Variants in TMLHE observed in about 807,000 individuals in gnomAD.
The protein encoded by TMLHE is trimethyllysine dioxygenase, mitochondrial.
A neutral mutation model predicts 25.7 loss-of-function variants in TMLHE; 18 were observed. That is an observed-to-expected ratio of 0.70 (90% CI 0.48 to 1.04). TMLHE has a LOEUF of 1.04. Ranked by LOEUF, TMLHE falls within the 50% of genes least tolerant of loss-of-function variation. The probability of loss-of-function intolerance (pLI) is 0.00; values close to 1 mark genes in which losing one functional copy is unlikely to be tolerated. For missense variants in TMLHE, 236 were observed against 259.0 expected, an observed-to-expected ratio of 0.91 and a Z score of 0.61; for synonymous variants, 105 against 97.0, an observed-to-expected ratio of 1.08 and a Z score of -0.49.
intron 1 of TMLHE, among the ~76,000 whole-genome samples, chrX:155,582,491 A>G: frequency 8.9e-6 from 1 of 111,898 alleles, no homozygotes; most frequent in South Asian, 3.7e-4. Flanking sequence ...AAATCAAACA[A>G]CTCCATCAAA....
At chrX:155,549,476 T>C (rs1190488821) in intron 1 of TMLHE, among the ~76,000 whole-genome samples, 1 of 110,916 alleles carries the variant, frequency 9.0e-6, no homozygotes, top group Non-Finnish European at 1.9e-5. Context: ...TTTCTACATC[T>C]ATTATTTTAT....
At chrX:155,602,369 C>T (rs2067761094) in intron 1 of TMLHE, among the ~76,000 whole-genome samples, 1 of 111,417 alleles carries the variant, frequency 9.0e-6, no homozygotes, top group African/African-American at 3.3e-5. Flanking sequence ...CATTCATGAT[C>T]AAACATAAAA....
chrX:155,500,386 T>C (rs1378957825), intron 6 of TMLHE, among the ~76,000 whole-genome samples: 4 of 103,558 alleles, frequency 3.9e-5, no homozygotes, highest in African/African-American at 1.1e-4. Context: ...AAAATGCTCA[T>C]CATCACTGGC....
chrX:155,612,312 CGAAA>C (rs1231222747), intron 1 of TMLHE: 1 of 111,531 alleles, frequency 9.0e-6, no homozygotes, highest in Non-Finnish European at 1.9e-5. Flanking sequence ...GATATGAGAA[CGAAA>C]GAAAGTGCTG....
At chrX:155,510,662 G>A (rs1230016422) in intron 5 of TMLHE, among the ~76,000 whole-genome samples, 1 of 109,369 alleles carries the variant, frequency 9.1e-6, no homozygotes, top group African/African-American at 3.3e-5. Context: ...TTGGACATTT[G>A]GGTTGGTTCC....
At chrX:155,549,929 A>G (rs1409848227) in intron 1 of TMLHE, among the ~76,000 whole-genome samples, 1 of 108,305 alleles carries the variant, frequency 9.2e-6, no homozygotes, top group Non-Finnish European at 1.9e-5. Context: ...CTGTGCCCAT[A>G]TGTTCTCATT....
Position 155,510,954 on chromosome X carries a change from A to C in TMLHE, c.758+719T>G, listed in dbSNP as rs782381323. 2.5e-4 allele frequency among the ~76,000 whole-genome samples: 27 copies of C among 109,911 alleles called. No homozygotes were observed. The East Asian group carries it at 6.3e-3, about 26-fold the overall frequency. ...AATGATTGCCATTCTAACTGGTGTG[A>C]GATGGTATCTCATTGTGGTTTTGAT... is the stretch of plus-strand genomic sequence containing the variant. On this transcript the variant is annotated intron_variant, in intron 5 of 7. Coordinates refer to ENST00000334398, the MANE Select transcript of TMLHE (RefSeq NM_018196.4).
At chrX:155,549,791 A>G (rs1474018695) in intron 1 of TMLHE, among the ~76,000 whole-genome samples, 1 of 109,817 alleles carries the variant, frequency 9.1e-6, no homozygotes, top group Non-Finnish European at 1.9e-5. Flanking sequence ...GGTTTGTTAC[A>G]TAGGTATACA....
At chrX:155,506,708 A>G (rs1391733916) in intron 6 of TMLHE, among the ~76,000 whole-genome samples, 190 bp downstream of exon 6, 1 of 111,517 alleles carries the variant, frequency 9.0e-6, no homozygotes, top group Non-Finnish European at 1.9e-5. Flanking sequence ...TAAACCTAGT[A>G]TTCTTTGGTT....
rs1174552669 is a variant in TMLHE at position 155,572,289 on chromosome X, G to T, written c.-1-27012C>A. On this transcript the variant is annotated intron_variant, in intron 1 of 7. Transcript: ENST00000334398. ...AATCCAACTTACAAGGGACGTGAAG[G>T]ACCTCTTCAAGGAGAACTACAAACC... Among the ~76,000 whole-genome samples, 5 of 55,946 alleles carry T rather than the reference G, an allele frequency of 8.9e-5. 2 individuals carry two copies. The highest frequency in any genetic ancestry group is 1.8e-4 in the Non-Finnish European group (4 of 21,744). The allele number at this position is 55,946 out of a possible 115,157, so 48.6% of individuals were successfully genotyped here.
chrX:155,515,882 A>C (rs1013226194), intron 3 of TMLHE, among the ~76,000 whole-genome samples: 1 of 110,532 alleles, frequency 9.0e-6, no homozygotes, highest in Non-Finnish European at 1.9e-5. Context: ...CCATTCACTC[A>C]TATAGCCCAC....
intron 2 of TMLHE, among the ~76,000 whole-genome samples, chrX:155,533,802 CA>C (rs1288342878): frequency 3.6e-5 from 4 of 111,412 alleles, no homozygotes; most frequent in Non-Finnish European, 7.5e-5. Flanking sequence ...TATAAAGTGG[CA>C]AAAAACTTAG....
chrX:155,524,464 AAG>A lies in TMLHE; in HGVS notation c.348_349del (p.Phe118HisfsTer9). 1 of 1,170,242 alleles carries A rather than the reference AAG, an allele frequency of 8.5e-7. No individual in the cohort carries two copies. The highest frequency in any genetic ancestry group is 1.8e-5 in the African/African-American group (1 of 56,808). On this transcript the variant is annotated frameshift_variant, in exon 3 of 8. Coordinates refer to ENST00000334398, the MANE Select transcript of TMLHE (RefSeq NM_018196.4). LOFTEE classifies it high-confidence loss of function. ...GTCTCCTGTCCACTCACAAGTGAAA[AAG>A]AGTGTGGTCTCATCCAGACGAATGG...
intron 1 of TMLHE, among the ~76,000 whole-genome samples, chrX:155,547,171 G>T (rs1325575695): frequency 9.7e-6 from 1 of 102,604 alleles, no homozygotes; most frequent in Non-Finnish European, 2.0e-5. Flanking sequence ...TTGAGACGGA[G>T]TCTTGCTCTG....
chrX:155,560,609 TAGACTAGGCAG>T (rs1289403278), intron 1 of TMLHE, among the ~76,000 whole-genome samples: 4 of 53,614 alleles, frequency 7.5e-5, no homozygotes, highest in Admixed American at 2.2e-4. Context: ...TGGGGTAAAG[TAGACTAGGCAG>T]AGGGGATAGC....
chrX:155,533,398 C>CAT (rs1429257350), intron 2 of TMLHE, among the ~76,000 whole-genome samples: 1 of 110,897 alleles, frequency 9.0e-6, no homozygotes, highest in Non-Finnish European at 1.9e-5. Flanking sequence ...CACACACACA[C>CAT]ATATATATCC....
chrX:155,583,496 G>A (rs1557344874), intron 1 of TMLHE, among the ~76,000 whole-genome samples: 1 of 98,010 alleles, frequency 1.0e-5, no homozygotes, highest in Admixed American at 1.1e-4. Flanking sequence ...TTCAAGATGA[G>A]ATTTGGGTGT....
At chrX:155,536,541 T>G (rs1030354079) in intron 2 of TMLHE, among the ~76,000 whole-genome samples, 1 of 111,757 alleles carries the variant, frequency 8.9e-6, no homozygotes, top group Non-Finnish European at 1.9e-5. Context: ...GTTGGTATGC[T>G]TACTGTCCTT....
chrX:155,548,798 G>C (rs1188005465), intron 1 of TMLHE, among the ~76,000 whole-genome samples: 2 of 110,161 alleles, frequency 1.8e-5, no homozygotes, highest in Non-Finnish European at 3.8e-5. Flanking sequence ...CAAATAGTAT[G>C]AACAGACATT....
Sources: allele counts gnomAD v4.1 joint callset (sites outside exome capture counted in the v4.1 genomes callset), GRCh38; gene constraint gnomAD v4.1.1; transcripts MANE v1.5; gene names NCBI Gene and HGNC (gene_info 2026-07-23, HGNC 2026-07-21).